SDK1: variants seen among roughly 807,000 people sequenced by gnomAD.
SDK1 encodes protein sidekick-1.
A neutral mutation model predicts 245.5 loss-of-function variants in SDK1; 157 were observed. The observed-to-expected ratio is 0.64, with a 90% CI of 0.56 to 0.73. SDK1 has a LOEUF of 0.73. SDK1 is among the 30% of genes least tolerant of loss of function. SDK1 has a pLI of 0.00. For synonymous variants in SDK1, 1,647 were observed against 1,278.5 expected (o/e 1.29, Z -6.15); for missense variants, 3,583 against 3,002.3 (o/e 1.19, Z -4.52).
intron 4 of SDK1, among the ~76,000 whole-genome samples, chr7:3,746,337 C>A (rs188858181): frequency 3.5e-4 from 54 of 152,166 alleles, no homozygotes; most frequent in Non-Finnish European, 4.7e-4. Context: ...TTGGTGATGG[C>A]TGCTGACTGA....
rs10250969 is a variant in SDK1, at chr7:3,832,986, A to G, written c.847+11403A>G. 9.2e-3 allele frequency among the ~76,000 whole-genome samples: 1,393 copies of G among 152,154 alleles called. 24 individuals carry two copies. The highest frequency in any genetic ancestry group is 0.032 in the African/African-American group (1,328 of 41,490). On this transcript the variant is annotated intron_variant, in intron 5 of 44. Transcript: ENST00000404826. ...GTGTAGCTTTTTGAGACGGATACCAAAGATATTATTTTATGTAGTTTTAGA... is the reference window on the plus strand; with the variant it reads ...GTGTAGCTTTTTGAGACGGATACCAGAGATATTATTTTATGTAGTTTTAGA...
In SDK1 at chr7:3,917,499, C is replaced by T. The variant is rs10249617; in HGVS notation, c.848-33424C>T. 8.5e-3 allele frequency among the ~76,000 whole-genome samples: 1,294 copies of T among 152,222 alleles called. 16 individuals are homozygous for T. The highest frequency in any genetic ancestry group is 0.03 in the African/African-American group (1,237 of 41,524). On this transcript the variant is annotated intron_variant, in intron 5 of 44. Transcript: ENST00000404826. The stretch of plus-strand genomic sequence containing the variant: ...TCACAGGTGAGCCCCTCCCTGTGCT[C>T]AGGGGCATCAGGTTGTCCTTCAGGG...
intron 28 of SDK1, among the ~76,000 whole-genome samples, chr7:4,138,178 G>A (rs988594792): frequency 5.9e-5 from 9 of 152,186 alleles, no homozygotes; most frequent in African/African-American, 1.4e-4. Flanking sequence ...CAGGGATGCC[G>A]TCGTGCTTTG....
intron 5 of SDK1, among the ~76,000 whole-genome samples, chr7:3,893,447 A>G (rs959646463): frequency 2.0e-5 from 3 of 152,048 alleles, no homozygotes; most frequent in African/African-American, 7.2e-5. Flanking sequence ...GAGCCGGTGC[A>G]TGCAAACTCA....
At chr7:3,836,542 A>C (rs1396269589) in intron 5 of SDK1, among the ~76,000 whole-genome samples, 1 of 152,172 alleles carries the variant, frequency 6.6e-6, no homozygotes, top group East Asian at 1.9e-4. Context: ...CAAAAGACAA[A>C]CAAGCACTTT....
intron 44 of SDK1, among the ~76,000 whole-genome samples, chr7:4,262,573 C>CT (rs1788088005): frequency 6.6e-6 from 1 of 151,668 alleles, no homozygotes; most frequent in Non-Finnish European, 1.5e-5. Context: ...GCCGGGGAGA[C>CT]ATATTAGACA....
At chr7:3,964,298 C>T (rs1374031808) in intron 9 of SDK1, among the ~76,000 whole-genome samples, 2 of 152,190 alleles carry the variant, frequency 1.3e-5, no homozygotes, top group South Asian at 2.1e-4. Flanking sequence ...TGTCACTCCC[C>T]GGCCCTAGTA....
intron 11 of SDK1, 95 bp from the exon 12 acceptor site, chr7:3,971,371 G>A (rs1782473905): frequency 3.8e-6 from 3 of 795,948 alleles, no homozygotes; most frequent in East Asian, 5.4e-5. Flanking sequence ...AAACTCGGAG[G>A]TTGTGATGTC....
intron 5 of SDK1, among the ~76,000 whole-genome samples, chr7:3,876,932 A>G (rs758669061): frequency 2.6e-5 from 4 of 152,226 alleles, no homozygotes; most frequent in Admixed American, 6.5e-5. Flanking sequence ...TTTTAAACGA[A>G]TTCTACTTTG....
chr7:3,786,202 G>C (rs1583412143), intron 4 of SDK1, among the ~76,000 whole-genome samples: 1 of 152,154 alleles, frequency 6.6e-6, no homozygotes, highest in African/African-American at 2.4e-5. Flanking sequence ...AAGCATTTAT[G>C]TACTGGACAG....
chr7:3,521,691 T>C lies in SDK1; in HGVS notation c.299-97389T>C, dbSNP rs183252548. 1.3e-3 allele frequency among the ~76,000 whole-genome samples: 194 copies of C among 152,136 alleles called. 2 individuals are homozygous for C. The highest frequency in any genetic ancestry group is 4.5e-3 in the African/African-American group (185 of 41,512). ...TCTAATGATTGAGGAGTTACAGAAG[T>C]GGGGGAAGAACTTGATCAACTTGAA... is the stretch of plus-strand genomic sequence containing the variant. On this transcript the variant is annotated intron_variant, in intron 1 of 44. Transcript: ENST00000404826.
chr7:4,247,259 G>A (rs995770488), intron 44 of SDK1, among the ~76,000 whole-genome samples: 22 of 152,246 alleles, frequency 1.4e-4, no homozygotes, highest in African/African-American at 4.1e-4. Context: ...ATGAACTCCC[G>A]GCGGGAAGGG....
intron 1 of SDK1, among the ~76,000 whole-genome samples, chr7:3,383,017 A>G (rs1489238103): frequency 6.6e-6 from 1 of 152,200 alleles, no homozygotes; most frequent in Non-Finnish European, 1.5e-5. Context: ...AACCAGTGAT[A>G]TTACTAGCAA....
intron 4 of SDK1, among the ~76,000 whole-genome samples, chr7:3,680,982 A>G (rs1388636996): frequency 6.6e-6 from 1 of 152,146 alleles, no homozygotes; most frequent in Non-Finnish European, 1.5e-5. Flanking sequence ...AGCTGGGACT[A>G]CAGGTGCACC....
In SDK1 at chr7:3,756,872, C is replaced by T. The variant is rs138727445; in HGVS notation, c.714-64578C>T. Among the ~76,000 whole-genome samples the T allele has an allele frequency of 1.0e-3, 155 of 152,234 alleles. 1 individual carries two copies. Among genetic ancestry groups the T allele is most frequent in the African/African-American group, 3.6e-3 (148 of 41,550 alleles). On this transcript the variant is annotated intron_variant, in intron 4 of 44. Transcript: ENST00000404826. ...AAGGACCCTTTTGATGATATCATAT[C>T]GGGGGCACCGGTCATCACCATGACT...
In SDK1 at chr7:4,120,180, G is replaced by A. The variant is rs772439149; in HGVS notation, c.3823+5906G>A. 4.0e-5 allele frequency among the ~76,000 whole-genome samples: 6 copies of A among 148,874 alleles called. 1 individual carries two copies. The highest frequency in any genetic ancestry group is 4.9e-5 in the African/African-American group (2 of 40,754). ...ATCTACCACATAGCTAATAGGACTC[G>A]AAAGAGGAAGCAAATGAGAGTTACA... is the stretch of plus-strand genomic sequence containing the variant. On this transcript the variant is annotated intron_variant, in intron 25 of 44. Coordinates refer to ENST00000404826, the MANE Select transcript of SDK1 (RefSeq NM_152744.4).
intron 17 of SDK1, among the ~76,000 whole-genome samples, chr7:4,045,558 T>C (rs1442072039): frequency 6.6e-6 from 1 of 152,146 alleles, no homozygotes; most frequent in Non-Finnish European, 1.5e-5. Flanking sequence ...ATGTAGATTT[T>C]TATGTGAACT....
At chr7:3,657,333 A>C (rs1942885680) in intron 4 of SDK1, among the ~76,000 whole-genome samples, 1 of 152,160 alleles carries the variant, frequency 6.6e-6, no homozygotes, top group Admixed American at 6.5e-5. Context: ...GTTGGCACCC[A>C]GTGTCTACAG....
intron 4 of SDK1, among the ~76,000 whole-genome samples, chr7:3,797,802 T>A (rs916287430): frequency 6.6e-6 from 1 of 152,212 alleles, no homozygotes; most frequent in African/African-American, 2.4e-5. Flanking sequence ...CTCCTGTTGA[T>A]TTCTAGCTCT....
Sources: gnomAD v4.1 joint callset for allele counts (sites outside exome capture counted in the v4.1 genomes callset) on GRCh38, gnomAD v4.1.1 for gene constraint, MANE v1.5 for transcripts, NCBI Gene and HGNC (gene_info 2026-07-23, HGNC 2026-07-21) for gene names.